Variants in RFX6 observed in about 807,000 individuals in gnomAD.
The protein encoded by RFX6 is DNA-binding protein RFX6.
RFX6 carries 50 observed loss-of-function variants against 110.8 expected under a neutral mutation model. That is an observed-to-expected ratio of 0.45 (90% CI 0.36 to 0.57). The LOEUF (loss-of-function observed/expected upper bound fraction) is 0.57, where lower values mean the gene tolerates loss of function less well. Ranked by LOEUF, RFX6 falls within the 20% of genes least tolerant of loss-of-function variation. The probability of loss-of-function intolerance (pLI) is 0.00; values close to 1 mark genes in which losing one functional copy is unlikely to be tolerated. For missense variants in RFX6, 990 were observed against 1,127.0 expected, an observed-to-expected ratio of 0.88 and a Z score of 1.74; for synonymous variants, 383 against 411.2, an observed-to-expected ratio of 0.93 and a Z score of 0.83.
intron 14 of RFX6, 115 bp downstream of exon 14, chr6:116,923,339 A>C (rs1289217964): frequency 1.3e-6 from 1 of 740,922 alleles, no homozygotes; most frequent in Non-Finnish European, 2.5e-6. Context: ...ACTGTATCTG[A>C]ATATGGAGCT....
At chr6:116,880,488 A>C in intron 2 of RFX6, 56 bp from the exon 3 acceptor site, 1 of 1,538,828 alleles carries the variant, frequency 6.5e-7, no homozygotes, top group South Asian at 1.1e-5. Context: ...GTCAATGAGA[A>C]AGTTGAAGGA....
chr6:116,912,344 A>G (rs542984083), intron 7 of RFX6, among the ~76,000 whole-genome samples: 115 of 139,768 alleles, frequency 8.2e-4, no homozygotes, highest in Non-Finnish European at 1.4e-3. Flanking sequence ...TACAAGTTGG[A>G]AAAAAAAAAG....
At position 116,883,236 on chromosome 6, in the gene RFX6, G is replaced by C. The variant is rs560341653; in HGVS notation, c.566+808G>C. ...AAAAATCCAATGGCTGGTTTTTACTGTTACTCATCTTCCTTGGCTCCTGCT... is the reference window on the plus strand; with the variant it reads ...AAAAATCCAATGGCTGGTTTTTACTCTTACTCATCTTCCTTGGCTCCTGCT... On this transcript the variant is annotated intron_variant, in intron 4 of 18. Transcript: ENST00000332958. 2.6e-4 allele frequency among the ~76,000 whole-genome samples: 39 copies of C among 152,164 alleles called. 1 individual carries two copies. The South Asian group carries it at 5.2e-3, about 20-fold the overall frequency.
chr6:116,897,281 T>C (rs1347733049), intron 6 of RFX6, among the ~76,000 whole-genome samples: 2 of 152,094 alleles, frequency 1.3e-5, no homozygotes, highest in African/African-American at 4.8e-5. Flanking sequence ...ATGGAAGATA[T>C]CAAGTATATT....
In RFX6 at chr6:116,877,793, C is replaced by G. The variant is rs1176270948; in HGVS notation, c.224-3C>G. The G allele has an allele frequency of 1.2e-6, 2 of 1,607,770 alleles. No homozygotes were observed. The highest frequency in any genetic ancestry group is 8.5e-7 in the Non-Finnish European group (1 of 1,176,114). ...CTTTATCATCCCTTCAACTGGCAAT[C>G]AGAAATGCACTTAAACAATGGTAAC... On this transcript the variant is annotated splice_region_variant and splice_polypyrimidine_tract_variant and intron_variant, in intron 1 of 18. Coordinates refer to ENST00000332958, the MANE Select transcript of RFX6 (RefSeq NM_173560.4).
At chr6:116,878,470 A>C (rs1438630681) in intron 2 of RFX6, among the ~76,000 whole-genome samples, 1 of 152,186 alleles carries the variant, frequency 6.6e-6, no homozygotes, top group African/African-American at 2.4e-5. Flanking sequence ...CTTAAATAGA[A>C]GTTCAACTAT....
At chr6:116,919,379 A>G in intron 11 of RFX6, 83 bp downstream of exon 11, 2 of 1,293,326 alleles carry the variant, frequency 1.5e-6, no homozygotes, top group Non-Finnish European at 2.2e-6. Flanking sequence ...AGGAACTTTC[A>G]TAGATTGAAG....
In RFX6 at chr6:116,927,236, A is replaced by G. The variant is rs1227758337; in HGVS notation, c.2095A>G (p.Thr699Ala). 1 of 1,614,134 alleles carries G rather than the reference A, an allele frequency of 6.2e-7. No individual in the cohort carries two copies. Among genetic ancestry groups the G allele is most frequent in the Non-Finnish European group, 8.5e-7 (1 of 1,180,010 alleles). ...TCAAGCCAATCATGACTTTTATAGC[A>G]CCAGCTCTAACTACCAGACTGTGTT... ...LPQANHDFYS[T>A]SSNYQTVFRA... Residue 699 changes from threonine to alanine, a missense_variant, in exon 17 of 19, where the codon ACC becomes GCC. By Grantham distance (58) the Thr-to-Ala change is moderately conservative (BLOSUM62 0). Coordinates refer to ENST00000332958, the MANE Select transcript of RFX6 (RefSeq NM_173560.4).
At chr6:116,922,303 A>C (rs903838851) in intron 13 of RFX6, 152 bp downstream of exon 13, 6 of 647,642 alleles carry the variant, frequency 9.3e-6, no homozygotes, top group Non-Finnish European at 1.7e-5. Flanking sequence ...AGGCAGGCCA[A>C]ATACTGAAAT....
At chr6:116,891,281 G>C (rs1454397145) in intron 4 of RFX6, among the ~76,000 whole-genome samples, 1 of 152,164 alleles carries the variant, frequency 6.6e-6, no homozygotes, top group East Asian at 1.9e-4. Context: ...CCATCCCTTT[G>C]ACTTGTCTTG....
At chr6:116,888,189 T>A (rs1774740785) in intron 4 of RFX6, among the ~76,000 whole-genome samples, 1 of 152,168 alleles carries the variant, frequency 6.6e-6, no homozygotes, top group South Asian at 2.1e-4. Flanking sequence ...GAACATATGT[T>A]TCAGGAATTC....
chr6:116,880,788 AT>A, intron 3 of RFX6, 121 bp downstream of exon 3: 8 of 1,109,004 alleles, frequency 7.2e-6, no homozygotes, highest in Non-Finnish European at 1.1e-5. Flanking sequence ...TTTTGCAGGC[AT>A]AAATTGTCTT....
chr6:116,910,531 A>C (rs1300212536), intron 6 of RFX6, among the ~76,000 whole-genome samples: 1 of 152,198 alleles, frequency 6.6e-6, no homozygotes, highest in East Asian at 1.9e-4. Flanking sequence ...CATCTCATTT[A>C]CTTAATTTGT....
intron 6 of RFX6, among the ~76,000 whole-genome samples, chr6:116,895,741 A>G (rs17078452): frequency 0.099 from 15,019 of 152,070 alleles, 926 homozygotes; most frequent in African/African-American, 0.17. Context: ...CTTTATCTAA[A>G]TGAGTTAGAC....
intron 6 of RFX6, among the ~76,000 whole-genome samples, chr6:116,908,724 T>TGA (rs1271256543): frequency 3.5e-5 from 5 of 142,490 alleles, no homozygotes; most frequent in African/African-American, 8.0e-5. Context: ...ACAGAGGGAT[T>TGA]GAGAGAGAGA....
At chr6:116,896,802 A>G (rs1185198397) in intron 6 of RFX6, among the ~76,000 whole-genome samples, 1 of 152,224 alleles carries the variant, frequency 6.6e-6, no homozygotes, top group Non-Finnish European at 1.5e-5. Context: ...GTTCATTTGA[A>G]CATTCATAAC....
At chr6:116,922,018 C>CTTTTTTTTTTTTTTTTTTT in intron 12 of RFX6, 24 bp from the exon 13 acceptor site, 1 of 883,484 alleles carries the variant, frequency 1.1e-6, no homozygotes, top group African/African-American at 1.8e-5. Flanking sequence ...TCTTTTCTTT[C>CTTTTTTTTTTTTTTTTTTT]TTTTTTTTTT....
intron 6 of RFX6, among the ~76,000 whole-genome samples, chr6:116,898,801 G>T (rs573732787): frequency 1.7e-4 from 26 of 152,096 alleles, no homozygotes; most frequent in Non-Finnish European, 3.5e-4. Context: ...CATGTGCTGT[G>T]GCAAAAATCA....
intron 4 of RFX6, among the ~76,000 whole-genome samples, chr6:116,884,166 T>A (rs1329978311): frequency 5.3e-5 from 8 of 152,210 alleles, no homozygotes; most frequent in Admixed American, 5.2e-4. Context: ...TTTTACCCAT[T>A]TGAAAGAATG....
Sources: gnomAD v4.1 joint callset for allele counts (sites outside exome capture counted in the v4.1 genomes callset) on GRCh38, gnomAD v4.1.1 for gene constraint, MANE v1.5 for transcripts, NCBI Gene and HGNC (gene_info 2026-07-23, HGNC 2026-07-21) for gene names.